Variants in ZDBF2 observed in about 807,000 individuals in gnomAD.
The protein encoded by ZDBF2 is zinc finger DBF-type containing 2.
ZDBF2 carries 6 observed loss-of-function variants against 9.4 expected under a neutral mutation model. The ratio of observed to expected loss-of-function variants is 0.64; its 90% confidence interval spans 0.35 to 1.27. The LOEUF (loss-of-function observed/expected upper bound fraction) is 1.27, where lower values mean the gene tolerates loss of function less well. ZDBF2 is among the 50% of genes most tolerant of loss of function. ZDBF2 has a pLI of 0.03. For synonymous variants in ZDBF2, 905 were observed against 946.3 expected (o/e 0.96, Z 0.80); for missense variants, 2,697 against 2,766.8 (o/e 0.97, Z 0.57).
intron 1 of ZDBF2, 98 bp downstream of exon 1, chr2:206,275,044 A>T (rs369645247): frequency 6.6e-6 from 1 of 151,414 alleles, no homozygotes; most frequent in Non-Finnish European, 1.5e-5. Context: ...GAGGGACGCC[A>T]GGACCGCTCG....
chr2:206,281,037 G>A (rs1313000414), intron 2 of ZDBF2, among the ~76,000 whole-genome samples: 1 of 152,080 alleles, frequency 6.6e-6, no homozygotes, highest in Non-Finnish European at 1.5e-5. Context: ...ATTACTGGGG[G>A]AATTTTAAAA....
Position 206,308,435 on chromosome 2 carries a change from G to T in ZDBF2, c.3907G>T (p.Ala1303Ser). ...GTCCGTAACTAATAAAATTCCAGGG[G>T]CGAATAAAGAAATAAATCTTTTGAG... ...LQSVTNKIPG[A>S]NKEINLLREE... The change falls in exon 5 of 5, where the codon GCG becomes TCG. Residue 1303 changes from alanine to serine, a missense_variant. Ala to Ser is a moderately conservative substitution (Grantham distance 99). Coordinates refer to ENST00000374423, the MANE Select transcript of ZDBF2 (RefSeq NM_020923.3). The T allele has an allele frequency of 1.3e-5, 21 of 1,613,296 alleles. No individual in the cohort carries two copies. The highest frequency in any genetic ancestry group is 1.8e-5 in the Non-Finnish European group (21 of 1,179,604).
chr2:206,305,007 G>A lies in ZDBF2; in HGVS notation c.479G>A (p.Arg160Lys), dbSNP rs10932150. 718,491 of 1,612,958 alleles carry A rather than the reference G, an allele frequency of 0.45. 162,953 individuals carry two copies. The highest frequency in any genetic ancestry group is 0.48 in the African/African-American group (35,631 of 74,908). ...EFVHKIGASV[R>K]KCNLVDIGQA... ...GTTCATAAAATTGGGGCCAGTGTGA[G>A]AAAATGTAACCTAGTAGATATTGGT... is the stretch of plus-strand genomic sequence containing the variant. The change falls in exon 5 of 5, where the codon AGA (arginine) becomes AAA (lysine). Residue 160 changes from arginine to lysine, a missense_variant. Transcript: ENST00000374423.
Position 206,305,708 on chromosome 2 carries a change from G to A in ZDBF2, c.1180G>A (p.Asp394Asn). The A allele has an allele frequency of 1.2e-6, 2 of 1,613,738 alleles. No homozygotes were observed. The highest frequency in any genetic ancestry group is 1.1e-5 in the South Asian group (1 of 91,066). Residue 394 changes from aspartate to asparagine, a missense_variant, in exon 5 of 5, where the codon GAC (aspartate) becomes AAC (asparagine). Asp to Asn is a conservative substitution (Grantham distance 23). This residue lies in a region of ZDBF2 where 910 missense variants were observed against 973.6 expected (regional missense o/e 0.93). Transcript: ENST00000374423. ...AAGTCTTTGGAAGGAGGAGCAAATT[G>A]ACCAAGAAGATAACTATGAGTCTAG... ...DLSLWKEEQIDQEDNYESRGS... is the reference protein window; with the variant it reads ...DLSLWKEEQINQEDNYESRGS...
chr2:206,290,443 G>T (rs1258794720), intron 3 of ZDBF2, among the ~76,000 whole-genome samples: 1 of 152,192 alleles, frequency 6.6e-6, no homozygotes, highest in Non-Finnish European at 1.5e-5. Context: ...CATTCATGGG[G>T]AATGTATATC....
Position 206,307,534 on chromosome 2 carries a change from A to G in ZDBF2, c.3006A>G (p.Leu1002=). 1.2e-6 allele frequency: 2 copies of G among 1,613,854 alleles called. No individual in the cohort carries two copies. The highest frequency in any genetic ancestry group is 1.3e-5 in the African/African-American group (1 of 75,066). The change falls in exon 5 of 5, where the codon TTA becomes TTG. Residue 1002 remains leucine (L), a synonymous_variant. Transcript: ENST00000374423. ...STEFSGSKTS[L]DSGVPHYSVT... ...AATTCAGTGGTTCAAAAACAAGTTTAGATTCTGGTGTCCCTCATTATTCAG... is the reference window on the plus strand; with the variant it reads ...AATTCAGTGGTTCAAAAACAAGTTTGGATTCTGGTGTCCCTCATTATTCAG...
Position 206,310,560 on chromosome 2 carries a change from T to C in ZDBF2, c.6032T>C (p.Val2011Ala), listed in dbSNP as rs2105970763. Residue 2011 changes from valine to alanine, a missense_variant, in exon 5 of 5, where the codon GTT (valine) becomes GCT (alanine). Val to Ala is a moderately conservative substitution (Grantham distance 64, BLOSUM62 0). This residue lies in a region of ZDBF2 where 1,783 missense variants were observed against 1,776.5 expected (regional missense o/e 1.00). Coordinates refer to ENST00000374423, the MANE Select transcript of ZDBF2 (RefSeq NM_020923.3). The stretch of plus-strand genomic sequence containing the variant: ...ATGCAACCCAAAGCCTTAGTCTGTG[T>C]TCTTTCTTCTTTAAATATTAAACTG... ...KPMQPKALVCVLSSLNIKLKE... is the reference protein window; with the variant it reads ...KPMQPKALVCALSSLNIKLKE... 1 of 1,613,264 alleles carries C rather than the reference T, an allele frequency of 6.2e-7. No homozygotes were observed.
chr2:206,279,693 C>T (rs1411114856), intron 2 of ZDBF2, 101 bp downstream of exon 2: 1 of 151,628 alleles, frequency 6.6e-6, no homozygotes, highest in Admixed American at 6.6e-5. Context: ...AAATCCAGAC[C>T]CTAAAGAAAT....
At position 206,274,828 on chromosome 2, in the gene ZDBF2, G is replaced by A. The variant is rs2105884408; in HGVS notation, c.-221G>A. ...TGGCTCCGCGGGCAGCGGGGCCGTGGCGCTCGGACGGTCTGGGATTCGGGC... is the reference window on the plus strand; with the variant it reads ...TGGCTCCGCGGGCAGCGGGGCCGTGACGCTCGGACGGTCTGGGATTCGGGC... On this transcript the variant is annotated 5_prime_UTR_variant, in exon 1 of 5. Transcript: ENST00000374423. 1 of 152,276 alleles carries A rather than the reference G, an allele frequency of 6.6e-6. No individual in the cohort carries two copies. The highest frequency in any genetic ancestry group is 2.4e-5 in the African/African-American group (1 of 41,578). The allele number at this position is 152,276 out of a possible 1,614,324, so 9.4% of individuals were successfully genotyped here.
intron 3 of ZDBF2, among the ~76,000 whole-genome samples, chr2:206,296,302 A>G (rs1212770662): frequency 6.6e-6 from 1 of 152,342 alleles, no homozygotes; most frequent in South Asian, 2.1e-4. Flanking sequence ...TGTCCCACTC[A>G]GGACATGAAT....
In ZDBF2 at chr2:206,309,073, A is replaced by G. The variant is rs117682440; in HGVS notation, c.4545A>G (p.Gly1515=). ...AAATAGTAGTTAACCAATTTCCAGGATCAGTCAAAGAAACCCACCTTCCAA... is the reference window on the plus strand; with the variant it reads ...AAATAGTAGTTAACCAATTTCCAGGGTCAGTCAAAGAAACCCACCTTCCAA... ...PFQIVVNQFP[G]SVKETHLPKV... is the part of the protein sequence containing the mutation. Residue 1515 remains glycine, a synonymous_variant, in exon 5 of 5, where the codon GGA becomes GGG. Transcript: ENST00000374423. 3.7e-6 allele frequency: 6 copies of G among 1,613,796 alleles called. No homozygotes were observed. The Admixed American group carries it at 8.3e-5, about 22-fold the overall frequency.
chr2:206,308,726 GATAAGAGCT>G lies in ZDBF2; in HGVS notation c.4203_4211del (p.Ser1402_Lys1404del). ...GAAGGAAGACCATATTTACCTGGAA[GATAAGAGCT>G]ATAAATTAGGTGATTTTGATGTAAG... On this transcript the variant is annotated inframe_deletion, in exon 5 of 5. Transcript: ENST00000374423. 6.2e-7 allele frequency: 1 copy of G among 1,613,096 alleles called. No homozygotes were observed. The highest frequency in any genetic ancestry group is 1.1e-5 in the South Asian group (1 of 90,964).
chr2:206,308,370 C>T lies in ZDBF2; in HGVS notation c.3842C>T (p.Thr1281Ile). 1.2e-6 allele frequency: 2 copies of T among 1,612,920 alleles called. No individual in the cohort carries two copies. Among genetic ancestry groups the T allele is most frequent in the Non-Finnish European group, 1.7e-6 (2 of 1,179,642 alleles). Residue 1281 changes from threonine to isoleucine, a missense_variant, in exon 5 of 5, where the codon ACA becomes ATA. Thr to Ile is a moderately conservative substitution (Grantham distance 89). Transcript: ENST00000374423. ...TTGGAAAATAAGATTGTCAAACCTA[C>T]AGATTCCAGAATAAATTTTGATTCT... Reference protein sequence around the residue: ...VDLENKIVKPTDSRINFDSHE... With the variant: ...VDLENKIVKPIDSRINFDSHE...
chr2:206,307,041 A>G lies in ZDBF2; in HGVS notation c.2513A>G (p.His838Arg), dbSNP rs1559153405. 9 of 1,613,300 alleles carry G rather than the reference A, an allele frequency of 5.6e-6. No homozygotes were observed. Among genetic ancestry groups the G allele is most frequent in the Middle Eastern group, 1.6e-4 (1 of 6,078 alleles). Residue 838 changes from histidine to arginine, a missense_variant, in exon 5 of 5, where the codon CAT becomes CGT. Around this residue, in one of 3 missense-constraint regions of ZDBF2, gnomAD observed 4 missense variants for 16.7 expected, o/e 0.24. Coordinates refer to ENST00000374423, the MANE Select transcript of ZDBF2 (RefSeq NM_020923.3). ...EITFDSDIPL[H>R]SGNDHPEVAV... ...ACTTTTGATTCTGATATTCCTCTTC[A>G]TTCAGGAAATGATCACCCTGAAGTA...
In ZDBF2 at chr2:206,309,582, A is replaced by G; in HGVS notation, c.5054A>G (p.Lys1685Arg). The G allele has an allele frequency of 1.2e-6, 2 of 1,613,960 alleles. No homozygotes were observed. The highest frequency in any genetic ancestry group is 1.7e-6 in the Non-Finnish European group (2 of 1,179,872). The change falls in exon 5 of 5, where the codon AAA (lysine) becomes AGA (arginine). Residue 1685 changes from lysine to arginine, a missense_variant. Lys to Arg is a conservative substitution (Grantham distance 26). This residue lies in a region of ZDBF2 where 1,783 missense variants were observed against 1,776.5 expected (regional missense o/e 1.00). Transcript: ENST00000374423. ...ACTCACCGACTGCAGAAAGCTCACA[A>G]AGAAGCCAGTCTTCGGAAGGATCCA... ...RTTHRLQKAH[K>R]EASLRKDPRN...
intron 3 of ZDBF2, among the ~76,000 whole-genome samples, chr2:206,289,287 G>A (rs1332590088): frequency 6.6e-6 from 1 of 152,126 alleles, no homozygotes; most frequent in Non-Finnish European, 1.5e-5. Flanking sequence ...TGCCACTTCA[G>A]CTTAGGTATT....
rs1288971678 is a variant in ZDBF2, at chr2:206,308,248, T to C, written c.3720T>C (p.Gly1240=). 2 of 1,613,768 alleles carry C rather than the reference T, an allele frequency of 1.2e-6. No individual in the cohort carries two copies. The highest frequency in any genetic ancestry group is 2.2e-5 in the East Asian group (1 of 44,878). ...DTEDRRNEAK[G]FEIMYDSDVL... is the part of the protein sequence containing the mutation. Reference sequence around the variant, plus strand: ...AAGATAGGAGAAATGAAGCTAAGGGTTTTGAAATTATGTATGATTCTGATG... The same window carrying C: ...AAGATAGGAGAAATGAAGCTAAGGGCTTTGAAATTATGTATGATTCTGATG... The change falls in exon 5 of 5, where the codon GGT becomes GGC. Residue 1240 remains glycine (G), a synonymous_variant. Transcript: ENST00000374423.
At chr2:206,286,221 G>T (rs969278977) in intron 3 of ZDBF2, among the ~76,000 whole-genome samples, 2 of 152,092 alleles carry the variant, frequency 1.3e-5, no homozygotes, top group Non-Finnish European at 2.9e-5. Flanking sequence ...GGCCTATTTG[G>T]TCTAAAATGC....
rs763508991 is a variant in ZDBF2 at position 206,308,650 on chromosome 2, T to C, written c.4122T>C (p.Phe1374=). The change falls in exon 5 of 5, where the codon TTT becomes TTC. Residue 1374 remains phenylalanine, a synonymous_variant. Transcript: ENST00000374423. The part of the protein sequence containing the change: ...PEESSDSNDS[F]QAAADELQKP... ...AAAGTTCTGATTCCAATGACTCTTTTCAGGCAGCAGCAGATGAGCTTCAAA... is the reference window on the plus strand; with the variant it reads ...AAAGTTCTGATTCCAATGACTCTTTCCAGGCAGCAGCAGATGAGCTTCAAA... 6.2e-7 allele frequency: 1 copy of C among 1,612,596 alleles called. No individual in the cohort carries two copies.
Sources: allele counts gnomAD v4.1 joint callset (sites outside exome capture counted in the v4.1 genomes callset), GRCh38; gene constraint gnomAD v4.1.1; regional missense constraint gnomAD v4.1.1; transcripts MANE v1.5; gene names NCBI Gene and HGNC (gene_info 2026-07-23, HGNC 2026-07-21).